PRKG1: variants seen among roughly 807,000 people sequenced by gnomAD.
The protein encoded by PRKG1 is cGMP-dependent protein kinase 1.
PRKG1 carries 35 observed loss-of-function variants against 88.1 expected under a neutral mutation model. That is an observed-to-expected ratio of 0.40 (90% confidence interval 0.30 to 0.53). The LOEUF is 0.53. PRKG1 is among the 20% of genes least tolerant of loss of function. The pLI, the probability that PRKG1 is intolerant of heterozygous loss-of-function variation, is 0.59. For synonymous variants in PRKG1, 303 were observed against 292.5 expected, an observed-to-expected ratio of 1.04 and a Z score of -0.37; for missense variants, 540 against 839.8, an observed-to-expected ratio of 0.64 and a Z score of 4.41.
intron 2 of PRKG1, among the ~76,000 whole-genome samples, chr10:51,384,317 A>G (rs1218977623): frequency 2.0e-5 from 3 of 152,114 alleles, no homozygotes; most frequent in Non-Finnish European, 2.9e-5. Context: ...ATAAAATTAT[A>G]TTTATCCCCA....
intron 3 of PRKG1, among the ~76,000 whole-genome samples, chr10:51,511,176 T>A (rs1361373472): frequency 6.6e-6 from 1 of 152,194 alleles, no homozygotes; most frequent in Non-Finnish European, 1.5e-5. Flanking sequence ...TAGACTCCTA[T>A]AACATTTACG....
intron 5 of PRKG1, among the ~76,000 whole-genome samples, chr10:51,922,228 G>A (rs1307190943): frequency 2.0e-5 from 3 of 151,264 alleles, no homozygotes; most frequent in Non-Finnish European, 4.4e-5. Context: ...AATGTCCATA[G>A]GATCAGTAGT....
rs570212600 is a variant in PRKG1, at chr10:51,727,424, T to C, written c.593-77161T>C. Among the ~76,000 whole-genome samples, 3 of 152,228 alleles carry C rather than the reference T, an allele frequency of 2.0e-5. No homozygotes were observed. In the South Asian group the frequency reaches 6.2e-4, roughly 32 times the overall value. ...ACGGTTCAAACCATCTTCTGATAAG[T>C]AGAAAGGGGTCAATGTGTCACTCTT... On this transcript the variant is annotated intron_variant, in intron 3 of 17. Coordinates refer to ENST00000373980, the MANE Select transcript of PRKG1 (RefSeq NM_006258.4).
intron 14 of PRKG1, among the ~76,000 whole-genome samples, chr10:52,284,120 A>C (rs1174267923): frequency 1.3e-5 from 2 of 151,986 alleles, no homozygotes; most frequent in Non-Finnish European, 2.9e-5. Flanking sequence ...TGCACAGGTT[A>C]CAATATCTGA....
chr10:51,017,270 A>ATATC (rs1364114126), intron 1 of PRKG1, among the ~76,000 whole-genome samples: 1 of 152,082 alleles, frequency 6.6e-6, no homozygotes, highest in Non-Finnish European at 1.5e-5. Context: ...TATTTTTACA[A>ATATC]TATCTTATTT....
intron 2 of PRKG1, among the ~76,000 whole-genome samples, chr10:51,391,567 A>AT (rs1428861231): frequency 6.6e-6 from 1 of 152,106 alleles, no homozygotes; most frequent in East Asian, 1.9e-4. Context: ...GTACATTATC[A>AT]TTTTTCATCT....
At chr10:51,791,041 A>G (rs763559649) in intron 3 of PRKG1, among the ~76,000 whole-genome samples, 2 of 152,180 alleles carry the variant, frequency 1.3e-5, no homozygotes, top group Non-Finnish European at 2.9e-5. Context: ...ATAAGTTCTA[A>G]TTACTAGTCT....
intron 10 of PRKG1, among the ~76,000 whole-genome samples, chr10:52,253,055 C>T (rs757644567): frequency 5.3e-5 from 8 of 151,930 alleles, no homozygotes; most frequent in Non-Finnish European, 7.4e-5. Context: ...GACAGAGCTC[C>T]CTGCCATACA....
At chr10:51,524,700 C>T (rs1841832643) in intron 3 of PRKG1, among the ~76,000 whole-genome samples, 1 of 152,078 alleles carries the variant, frequency 6.6e-6, no homozygotes, top group Non-Finnish European at 1.5e-5. Flanking sequence ...TGTTTCCTCA[C>T]AAGTGTGGGT....
chr10:52,022,161 C>T (rs117460620), intron 5 of PRKG1, among the ~76,000 whole-genome samples: 10 of 152,190 alleles, frequency 6.6e-5, no homozygotes, highest in South Asian at 2.1e-4. Flanking sequence ...CTGTGCTGCC[C>T]GATGAATTTG....
intron 2 of PRKG1, among the ~76,000 whole-genome samples, chr10:51,272,482 G>A (rs1335964974): frequency 1.3e-5 from 2 of 151,874 alleles, no homozygotes; most frequent in East Asian, 3.9e-4. Context: ...TTCTGCACAT[G>A]TATCCCAGAA....
chr10:51,975,436 T>G (rs1390040761), intron 5 of PRKG1, among the ~76,000 whole-genome samples: 3 of 152,020 alleles, frequency 2.0e-5, no homozygotes, highest in Non-Finnish European at 2.9e-5. Flanking sequence ...ATCAAAACTG[T>G]TGTGGAAAAT....
intron 5 of PRKG1, among the ~76,000 whole-genome samples, chr10:51,916,293 T>C (rs1284895703): frequency 2.0e-5 from 3 of 152,122 alleles, no homozygotes; most frequent in African/African-American, 7.2e-5. Context: ...ACTAATACAA[T>C]ATGGTGACAA....
At chr10:51,312,241 C>T (rs570793640) in intron 2 of PRKG1, among the ~76,000 whole-genome samples, 62 of 152,276 alleles carry the variant, frequency 4.1e-4, no homozygotes, top group African/African-American at 1.4e-3. Flanking sequence ...CAGGACCTAG[C>T]TCTAGGTATT....
chr10:51,901,468 A>C (rs992657553), intron 4 of PRKG1, among the ~76,000 whole-genome samples: 2 of 152,148 alleles, frequency 1.3e-5, no homozygotes, highest in African/African-American at 4.8e-5. Flanking sequence ...GCAGTGCAAT[A>C]ATTTCTTTTA....
chr10:52,196,071 G>C (rs1839496365), intron 9 of PRKG1, among the ~76,000 whole-genome samples: 1 of 151,996 alleles, frequency 6.6e-6, no homozygotes, highest in Admixed American at 6.6e-5. Context: ...GGAGTGCAGT[G>C]GCACGATCTC....
intron 1 of PRKG1, among the ~76,000 whole-genome samples, chr10:51,040,859 T>C (rs1446722644): frequency 6.6e-6 from 1 of 152,142 alleles, no homozygotes; most frequent in African/African-American, 2.4e-5. Flanking sequence ...GGTGGATTCT[T>C]TTTTGTATAG....
chr10:51,191,071 A>G (rs1202744360), intron 2 of PRKG1, among the ~76,000 whole-genome samples: 1 of 151,832 alleles, frequency 6.6e-6, no homozygotes, highest in African/African-American at 2.4e-5. Flanking sequence ...AAACTGTTAT[A>G]CCTTGATATA....
intron 3 of PRKG1, among the ~76,000 whole-genome samples, chr10:51,787,684 G>A (rs1228616454): frequency 1.3e-5 from 2 of 152,176 alleles, no homozygotes; most frequent in African/African-American, 2.4e-5. Flanking sequence ...GCCATTCCCT[G>A]CTGAAGGAGT....
Sources: gnomAD v4.1 joint callset for allele counts (sites outside exome capture counted in the v4.1 genomes callset) on GRCh38, gnomAD v4.1.1 for gene constraint, MANE v1.5 for transcripts, NCBI Gene and HGNC (gene_info 2026-07-23, HGNC 2026-07-21) for gene names.